GLCE: variants seen among roughly 807,000 people sequenced by gnomAD.
GLCE encodes D-glucuronyl C5-epimerase.
Under a neutral mutation model 47.9 loss-of-function variants are expected in GLCE, and 19 were observed. The ratio of observed to expected loss-of-function variants is 0.40; its 90% CI spans 0.28 to 0.58. The LOEUF (loss-of-function observed/expected upper bound fraction) is 0.58. Ranked by LOEUF, GLCE falls within the 20% of genes least tolerant of loss-of-function variation. GLCE has a pLI of 0.48. For synonymous variants in GLCE, 245 were observed against 263.4 expected, an observed-to-expected ratio of 0.93 and a Z score of 0.68; for missense variants, 556 against 743.3, an observed-to-expected ratio of 0.75 and a Z score of 2.93.
In GLCE at chr15:69,220,849, T is replaced by C. The variant is rs569679041; in HGVS notation, c.-14+10443T>C. Among the ~76,000 whole-genome samples the C allele has an allele frequency of 5.3e-5, 8 of 152,336 alleles. No homozygotes were observed. The South Asian group carries it at 1.7e-3, about 32-fold the overall frequency. On this transcript the variant is annotated intron_variant, in intron 2 of 4. Transcript: ENST00000261858. The stretch of plus-strand genomic sequence containing the variant: ...CTTTGAGTAATATCCAGGAAATCAT[T>C]ACTAAATCCAATATTGTGAAGCTTT...
At chr15:69,239,221 C>T (rs1194162329) in intron 2 of GLCE, among the ~76,000 whole-genome samples, 2 of 152,098 alleles carry the variant, frequency 1.3e-5, no homozygotes, top group African/African-American at 2.4e-5. Flanking sequence ...AGGAAAGTCT[C>T]ATTAGTTTGA....
intron 1 of GLCE, among the ~76,000 whole-genome samples, chr15:69,188,092 A>G (rs2051853925): frequency 6.6e-6 from 1 of 151,868 alleles, no homozygotes; most frequent in Admixed American, 6.6e-5. Context: ...ACAACAAAAA[A>G]ATTAGCTGGG....
At chr15:69,233,089 T>A (rs947658086) in intron 2 of GLCE, among the ~76,000 whole-genome samples, 13 of 152,186 alleles carry the variant, frequency 8.5e-5, no homozygotes, top group African/African-American at 2.9e-4. Context: ...TAGGATAGTT[T>A]CTCATTTTCC....
intron 1 of GLCE, among the ~76,000 whole-genome samples, chr15:69,174,933 T>C (rs1326030247): frequency 6.6e-6 from 1 of 152,204 alleles, no homozygotes; most frequent in Non-Finnish European, 1.5e-5. Context: ...CTATTAGTAC[T>C]ATATCCTATA....
intron 1 of GLCE, among the ~76,000 whole-genome samples, chr15:69,162,157 C>A (rs956198882): frequency 3.3e-5 from 5 of 152,128 alleles, no homozygotes; most frequent in African/African-American, 7.2e-5. Context: ...TTTTCTGTGA[C>A]CTGTAAGGAT....
intron 2 of GLCE, among the ~76,000 whole-genome samples, chr15:69,254,071 AT>A (rs1032251378): frequency 1.3e-5 from 2 of 152,136 alleles, no homozygotes; most frequent in Non-Finnish European, 2.9e-5. Flanking sequence ...TTAGCATTTG[AT>A]TTTTTTTAAT....
At chr15:69,206,787 A>C (rs2052158244) in intron 1 of GLCE, among the ~76,000 whole-genome samples, 1 of 151,910 alleles carries the variant, frequency 6.6e-6, no homozygotes, top group South Asian at 2.1e-4. Context: ...TTGTGTTTAG[A>C]TCCATTGTCT....
At chr15:69,213,700 T>C (rs905659512) in intron 2 of GLCE, among the ~76,000 whole-genome samples, 1 of 152,170 alleles carries the variant, frequency 6.6e-6, no homozygotes, top group Non-Finnish European at 1.5e-5. Flanking sequence ...ATCTTGTTTT[T>C]CCTTAAATTT....
rs780593581 is a variant in GLCE, at chr15:69,261,230, A to C, written c.730A>C (p.Lys244Gln). 1.2e-6 allele frequency: 2 copies of C among 1,614,172 alleles called. No individual in the cohort carries two copies. Among genetic ancestry groups the C allele is most frequent in the Non-Finnish European group, 1.7e-6 (2 of 1,180,004 alleles). Residue 244 changes from lysine to glutamine, a missense_variant, in exon 4 of 5, where the codon AAA (lysine) becomes CAA (glutamine). Physicochemically the swap from Lys to Gln is moderately conservative, Grantham distance 53. This residue lies in a region of GLCE where 237 missense variants were observed against 310.9 expected (regional missense o/e 0.76). Coordinates refer to ENST00000261858, the MANE Select transcript of GLCE (RefSeq NM_015554.3). ...ATATGAAACAGCAGAAGACAGAGAC[A>C]AAAACAAGCCTAATGACTGGACTGT... Reference protein sequence around the residue: ...EVYETAEDRDKNKPNDWTVPK... With the variant: ...EVYETAEDRDQNKPNDWTVPK...
intron 2 of GLCE, among the ~76,000 whole-genome samples, chr15:69,228,939 T>G (rs904072654): frequency 6.6e-6 from 1 of 152,184 alleles, no homozygotes; most frequent in African/African-American, 2.4e-5. Context: ...TTGCCCACCT[T>G]GGCTTCCCAA....
intron 2 of GLCE, among the ~76,000 whole-genome samples, chr15:69,241,427 A>AT (rs1158349257): frequency 6.6e-6 from 1 of 152,120 alleles, no homozygotes; most frequent in East Asian, 1.9e-4. Context: ...AAACTTACAA[A>AT]TTTTTTCCAA....
At chr15:69,242,014 T>C (rs2052678914) in intron 2 of GLCE, among the ~76,000 whole-genome samples, 1 of 152,200 alleles carries the variant, frequency 6.6e-6, no homozygotes, top group Non-Finnish European at 1.5e-5. Flanking sequence ...TTTTCTATTG[T>C]AAAATAGCAC....
intron 2 of GLCE, among the ~76,000 whole-genome samples, chr15:69,243,404 A>T (rs1230574440): frequency 6.6e-6 from 1 of 152,002 alleles, no homozygotes; most frequent in African/African-American, 2.4e-5. Context: ...TAGTGTTGAA[A>T]TTTTTTATTT....
At chr15:69,171,558 G>A (rs978353771) in intron 1 of GLCE, among the ~76,000 whole-genome samples, 1 of 151,654 alleles carries the variant, frequency 6.6e-6, no homozygotes, top group Non-Finnish European at 1.5e-5. Context: ...CACCATGCCC[G>A]GCCAATTTTT....
intron 2 of GLCE, 59 bp downstream of exon 2, chr15:69,210,465 A>G (rs1192243309): frequency 1.3e-5 from 2 of 152,150 alleles, no homozygotes; most frequent in African/African-American, 4.8e-5. Context: ...GTGATGTGCT[A>G]GAATTTAGAT....
intron 2 of GLCE, among the ~76,000 whole-genome samples, chr15:69,222,767 A>C (rs2052395175): frequency 6.6e-6 from 1 of 152,182 alleles, no homozygotes; most frequent in African/African-American, 2.4e-5. Flanking sequence ...GGTCCTCTGC[A>C]ACTGATTTCT....
At chr15:69,202,592 G>A (rs911296431) in intron 1 of GLCE, among the ~76,000 whole-genome samples, 8 of 152,100 alleles carry the variant, frequency 5.3e-5, no homozygotes, top group Non-Finnish European at 1.2e-4. Flanking sequence ...TTACAATTCT[G>A]TATCATGTAG....
intron 2 of GLCE, among the ~76,000 whole-genome samples, chr15:69,217,450 G>T (rs576405472): frequency 6.6e-6 from 1 of 151,358 alleles, no homozygotes; most frequent in East Asian, 1.9e-4. Context: ...CTCTTGAAAA[G>T]CAGGAAAAAA....
intron 1 of GLCE, among the ~76,000 whole-genome samples, chr15:69,164,243 A>G (rs910678564): frequency 6.6e-6 from 1 of 152,054 alleles, no homozygotes; most frequent in African/African-American, 2.4e-5. Context: ...TCATTATTAC[A>G]CTGCTGAAAA....
Sources: gnomAD v4.1 joint callset for allele counts (sites outside exome capture counted in the v4.1 genomes callset) on GRCh38, gnomAD v4.1.1 for gene constraint, gnomAD v4.1.1 regional missense constraint, MANE v1.5 for transcripts, NCBI Gene and HGNC (gene_info 2026-07-23, HGNC 2026-07-21) for gene names.